TLE7: variants seen among roughly 807,000 people sequenced by gnomAD.
The protein encoded by TLE7 is transducin-like enhancer protein 7.
At chr16:71,440,353 C>T (rs2042842308) in intron 1 of TLE7, among the ~76,000 whole-genome samples, 1 of 152,174 alleles carries the variant, frequency 6.6e-6, no homozygotes, top group South Asian at 2.1e-4. Flanking sequence ...AGCCGGGCAC[C>T]TGTAATCCCA....
At chr16:71,430,452 A>G (rs2042797172) in intron 9 of TLE7, 86 bp from the exon 10 acceptor site, 3 of 398,536 alleles carry the variant, frequency 7.5e-6, no homozygotes, top group South Asian at 2.7e-4. Context: ...GGCTCAGTGT[A>G]GACCTAAGGC....
intron 1 of TLE7, among the ~76,000 whole-genome samples, chr16:71,440,154 C>G (rs2145047912): frequency 6.6e-6 from 1 of 152,314 alleles, no homozygotes; most frequent in South Asian, 2.1e-4. Context: ...AAAGGCCAGT[C>G]CTTAGAGACA....
At chr16:71,436,721 G>T (rs556562900) in intron 1 of TLE7, among the ~76,000 whole-genome samples, 137 of 152,320 alleles carry the variant, frequency 9.0e-4, no homozygotes, top group African/African-American at 3.1e-3. Context: ...ACTGTGGGAG[G>T]GACACGGGGC....
chr16:71,437,614 C>A (rs1362089011), intron 1 of TLE7, among the ~76,000 whole-genome samples: 1 of 151,650 alleles, frequency 6.6e-6, no homozygotes, highest in Non-Finnish European at 1.5e-5. Context: ...ACTGGGGGAA[C>A]CCTTCGGTCT....
Position 71,433,399 on chromosome 16 carries a change from G to C in TLE7, c.-75C>G, listed in dbSNP as rs2042814961. The C allele has an allele frequency of 1.5e-5, 6 of 398,170 alleles. No homozygotes were observed. The highest frequency in any genetic ancestry group is 4.4e-5 in the Admixed American group (1 of 22,710). 24.7% of individuals were successfully genotyped at this position (398,170 alleles called of 1,614,324 possible). On this transcript the variant is annotated 5_prime_UTR_variant, in exon 2 of 10. Transcript: ENST00000561754. The stretch of plus-strand genomic sequence containing the variant: ...AATAGACCCGCCAAACAGACACCAG[G>C]TTCCCAGTGTGTCCTGATCCCCTGT...
chr16:71,431,723 C>A lies in TLE7; in HGVS notation c.851+38G>T. ...AAAGAGCCTCACTGGCAAGCCCTCC[C>A]CCAGGTACACCTGAGTGGCTCTGGA... On this transcript the variant is annotated intron_variant, in intron 6 of 9. Coordinates refer to ENST00000561754, the MANE Select transcript of TLE7 (RefSeq NM_001367365.2). The surrounding 1 kb of genome is among the most constrained non-coding windows in gnomAD (Gnocchi z 4.5). 1 of 400,704 alleles carries A rather than the reference C, an allele frequency of 2.5e-6. No homozygotes were observed. Among genetic ancestry groups the A allele is most frequent in the South Asian group, 1.3e-4 (1 of 7,772 alleles). The allele number at this position is 400,704 out of a possible 1,614,324, so 24.8% of individuals were successfully genotyped here.
At chr16:71,438,801 A>G (rs8049040) in intron 1 of TLE7, among the ~76,000 whole-genome samples, 73,148 of 151,954 alleles carry the variant, frequency 0.48, 21,299 homozygotes, top group African/African-American at 0.81. Flanking sequence ...AGAAATAACC[A>G]GATGGACAGA....
intron 1 of TLE7, among the ~76,000 whole-genome samples, chr16:71,437,368 G>A (rs2042830275): frequency 9.9e-5 from 13 of 130,886 alleles, no homozygotes; most frequent in South Asian, 2.4e-4. Flanking sequence ...AAAAAAAAAA[G>A]GAAAAGAAAG....
At chr16:71,441,005 C>T (rs1375046164) in intron 1 of TLE7, among the ~76,000 whole-genome samples, 1 of 152,210 alleles carries the variant, frequency 6.6e-6, no homozygotes, top group Non-Finnish European at 1.5e-5. Flanking sequence ...TCGTACATTG[C>T]TCTTCCCACC....
intron 1 of TLE7, among the ~76,000 whole-genome samples, chr16:71,437,265 C>T (rs1357473657): frequency 1.4e-5 from 2 of 147,670 alleles, no homozygotes; most frequent in Non-Finnish European, 3.0e-5. Context: ...ACAAGAATTA[C>T]TTGAATCTGG....
rs28620690 is a variant in TLE7, at chr16:71,431,020, C to T, written c.1147+101G>A. On this transcript the variant is annotated intron_variant, in intron 8 of 9. Transcript: ENST00000561754. This position sits in a 1 kb window ranked among gnomAD's most constrained non-coding sequence, Gnocchi z 4.5. ...TCATTCTGTGCAGGATCTCCCATTACGGAGGGAGCCAGAAAAGGAAAGGGG... is the reference window on the plus strand; with the variant it reads ...TCATTCTGTGCAGGATCTCCCATTATGGAGGGAGCCAGAAAAGGAAAGGGG... 0.022 allele frequency: 8,787 copies of T among 399,654 alleles called. 610 individuals are homozygous for T. The highest frequency in any genetic ancestry group is 0.15 in the African/African-American group (7,480 of 48,666). 24.8% of individuals were successfully genotyped at this position (399,654 alleles called of 1,614,324 possible).
chr16:71,432,337 G>A lies in TLE7; in HGVS notation c.394-12C>T, dbSNP rs762134314. 1.0e-5 allele frequency: 4 copies of A among 400,442 alleles called. No individual in the cohort carries two copies. Among genetic ancestry groups the A allele is most frequent in the Non-Finnish European group, 1.8e-5 (4 of 226,282 alleles). 24.8% of individuals were successfully genotyped at this position (400,442 alleles called of 1,614,324 possible). ...TCTGGAATGGGGGGCTAGGCAAGGA[G>A]AGGGTGGGTAGCAGTGGCCCTGACC... On this transcript the variant is annotated splice_polypyrimidine_tract_variant and intron_variant, in intron 4 of 9. Transcript: ENST00000561754.
Position 71,431,952 on chromosome 16 carries a change from G to T in TLE7, c.660C>A (p.Ser220Arg). Residue 220 changes from serine to arginine, a missense_variant, in exon 6 of 10, where the codon AGC (serine) becomes AGA (arginine). Coordinates refer to ENST00000561754, the MANE Select transcript of TLE7 (RefSeq NM_001367365.2). The surrounding 1 kb of genome is among the most constrained non-coding windows in gnomAD (Gnocchi z 4.5). ...VTCKLFPDER[S>R]LITGGASQAV... is the part of the protein sequence containing the mutation. The stretch of plus-strand genomic sequence containing the variant: ...CCTGGGACGCACCCCCTGTGATCAG[G>T]CTCCGCTCATCAGGGAACAGCTTGC... The T allele has an allele frequency of 2.5e-6, 1 of 400,776 alleles. No individual in the cohort carries two copies. Among genetic ancestry groups the T allele is most frequent in the Non-Finnish European group, 4.4e-6 (1 of 226,298 alleles). The allele number at this position is 400,776 out of a possible 1,614,324, so 24.8% of individuals were successfully genotyped here.
chr16:71,437,471 A>G (rs2042830982), intron 1 of TLE7, among the ~76,000 whole-genome samples: 1 of 151,522 alleles, frequency 6.6e-6, no homozygotes, highest in African/African-American at 2.4e-5. Context: ...GGAGAAGAGA[A>G]GAGAAGAGAA....
intron 9 of TLE7, 24 bp from the exon 10 acceptor site, chr16:71,430,390 C>G (rs2042796957): frequency 7.5e-6 from 3 of 398,692 alleles, no homozygotes; most frequent in African/African-American, 4.1e-5. Context: ...AGGGCCAAAA[C>G]AGGGATCACA....
At chr16:71,437,396 A>G (rs1367325190) in intron 1 of TLE7, among the ~76,000 whole-genome samples, 1 of 150,842 alleles carries the variant, frequency 6.6e-6, no homozygotes, top group Non-Finnish European at 1.5e-5. Flanking sequence ...GGAGAGAGAG[A>G]GAGAAGAGAA....
In TLE7 at chr16:71,431,739, T is replaced by C; in HGVS notation, c.851+22A>G. ...AAGCCCTCCCCCAGGTACACCTGAG[T>C]GGCTCTGGAGAGAGGTCATACCTGA... On this transcript the variant is annotated intron_variant, in intron 6 of 9. Transcript: ENST00000561754. This position sits in a 1 kb window ranked among gnomAD's most constrained non-coding sequence, Gnocchi z 4.5. 1 of 400,670 alleles carries C rather than the reference T, an allele frequency of 2.5e-6. No individual in the cohort carries two copies. Among genetic ancestry groups the C allele is most frequent in the Non-Finnish European group, 4.4e-6 (1 of 226,294 alleles). The allele number at this position is 400,670 out of a possible 1,614,324, so 24.8% of individuals were successfully genotyped here.
Position 71,430,734 on chromosome 16 carries a change from A to C in TLE7, c.1155T>G (p.Tyr385Ter), listed in dbSNP as rs981446113. ...HSLKFASCGS[Y>*]FVTAIDTRLS... Reference sequence around the variant, plus strand: ...GGCGCGTATCTATCGCGGTCACAAAATAGCTCCCTGGTGAAGGAACGAACA... The same window carrying C: ...GGCGCGTATCTATCGCGGTCACAAACTAGCTCCCTGGTGAAGGAACGAACA... The change falls in exon 9 of 10, where the codon TAT becomes TAG. Residue 385 changes from tyrosine to a stop codon, truncating the protein, a stop_gained. Transcript: ENST00000561754. LOFTEE classifies it high-confidence loss of function. 1 of 398,502 alleles carries C rather than the reference A, an allele frequency of 2.5e-6. No individual in the cohort carries two copies. Among genetic ancestry groups the C allele is most frequent in the African/African-American group, 2.1e-5 (1 of 48,618 alleles). The allele number at this position is 398,502 out of a possible 1,614,324, so 24.7% of individuals were successfully genotyped here. A position where few individuals can be genotyped will look rare whatever the true frequency, so the allele number is the denominator to read the frequency against.
Position 71,431,948 on chromosome 16 carries a change from T to C in TLE7, c.664A>G (p.Ile222Val). 5.0e-6 allele frequency: 2 copies of C among 400,694 alleles called. No individual in the cohort carries two copies. The highest frequency in any genetic ancestry group is 8.8e-6 in the Non-Finnish European group (2 of 226,290). The allele number at this position is 400,694 out of a possible 1,614,324, so 24.8% of individuals were successfully genotyped here. Residue 222 changes from isoleucine (I) to valine (V), a missense_variant, in exon 6 of 10, where the codon ATC (isoleucine) becomes GTC (valine). By Grantham distance (29) the Ile-to-Val change is conservative (BLOSUM62 3). Coordinates refer to ENST00000561754, the MANE Select transcript of TLE7 (RefSeq NM_001367365.2). The surrounding 1 kb of genome is among the most constrained non-coding windows in gnomAD (Gnocchi z 4.5). ...ACGGCCTGGGACGCACCCCCTGTGA[T>C]CAGGCTCCGCTCATCAGGGAACAGC... The part of the protein sequence containing the change: ...CKLFPDERSL[I>V]TGGASQAVTL...
Sources: allele counts gnomAD v4.1 joint callset (sites outside exome capture counted in the v4.1 genomes callset), GRCh38; gene constraint gnomAD v4.1.1; non-coding constraint Gnocchi (gnomAD v3.1); transcripts MANE v1.5; gene names NCBI Gene and HGNC (gene_info 2026-07-23, HGNC 2026-07-21).